Variants in MT1A observed in about 807,000 individuals in gnomAD.
MT1A encodes the protein metallothionein-1A.
Under a neutral mutation model 5.5 loss-of-function variants are expected in MT1A, and 6 were observed. The ratio of observed to expected loss-of-function variants is 1.09; its 90% CI spans 0.60 to 2.16. MT1A has a LOEUF of 2.16. Ranked by LOEUF, MT1A falls within the 30% of genes most tolerant of loss-of-function variation. The pLI is 0.00. For synonymous variants in MT1A, 23 were observed against 24.8 expected (o/e 0.93, Z 0.21); for missense variants, 69 against 73.4 (o/e 0.94, Z 0.22).
chr16:56,639,034 T>C (rs1313212611), intron 1 of MT1A, among the ~76,000 whole-genome samples: 3 of 152,148 alleles, frequency 2.0e-5, no homozygotes, highest in Non-Finnish European at 2.9e-5. Flanking sequence ...GCCCCAGTAC[T>C]CTGCGCAGTT....
chr16:56,638,939 TGCCTCCCATTTCAGAGGC>T (rs1960410812), intron 1 of MT1A, among the ~76,000 whole-genome samples, 173 bp downstream of exon 1: 1 of 152,210 alleles, frequency 6.6e-6, no homozygotes, highest in Non-Finnish European at 1.5e-5. Context: ...CCTATTCTAA[TGCCTCCCATTTCAGAGGC>T]GAGAGGACTC....
chr16:56,639,460 A>G, intron 2 of MT1A, 131 bp downstream of exon 2: 1 of 1,177,138 alleles, frequency 8.5e-7, no homozygotes, highest in South Asian at 1.3e-5. Context: ...ATTCAGGATC[A>G]GAGCCAGATC....
Position 56,640,005 on chromosome 16 carries a change from A to C in MT1A, c.*55A>C. 6.2e-7 allele frequency: 1 copy of C among 1,603,458 alleles called. No individual in the cohort carries two copies. Among genetic ancestry groups the C allele is most frequent in the South Asian group, 1.1e-5 (1 of 90,194 alleles). ...AAAGAGTGACCTGCACAAACTTGGA[A>C]TTTTTTTTCCATACAACCCTGACCC... On this transcript the variant is annotated 3_prime_UTR_variant, in exon 3 of 3. Transcript: ENST00000290705.
chr16:56,639,537 C>G (rs1206728571), intron 2 of MT1A, among the ~76,000 whole-genome samples: 4 of 152,030 alleles, frequency 2.6e-5, no homozygotes, highest in African/African-American at 4.8e-5. Flanking sequence ...AGTGCACCAG[C>G]CTGCCAAGCA....
rs1960407647 is a variant in MT1A, at chr16:56,638,706, T to A, written c.-33T>A. ...TGCGCCTTATAGCCTCTCAACTTCT[T>A]GCTTGGGATCTCCAACCTCACCGCG... On this transcript the variant is annotated 5_prime_UTR_variant, in exon 1 of 3. Coordinates refer to ENST00000290705, the MANE Select transcript of MT1A (RefSeq NM_005946.3). The A allele has an allele frequency of 4.3e-6, 7 of 1,614,018 alleles. No homozygotes were observed. The highest frequency in any genetic ancestry group is 5.9e-6 in the Non-Finnish European group (7 of 1,179,912).
chr16:56,638,827 C>T, intron 1 of MT1A, 61 bp downstream of exon 1: 1 of 1,596,080 alleles, frequency 6.3e-7, no homozygotes, highest in South Asian at 1.1e-5. Flanking sequence ...GGATAGATGT[C>T]CCTAGGAGTA....
chr16:56,639,724 C>T, intron 2 of MT1A, 135 bp from the exon 3 acceptor site: 1 of 1,160,184 alleles, frequency 8.6e-7, no homozygotes, highest in Admixed American at 2.1e-5. Flanking sequence ...ACTTATCTCC[C>T]ATCTCCGACA....
In MT1A at chr16:56,640,006, T is replaced by C; in HGVS notation, c.*56T>C. The C allele has an allele frequency of 6.3e-7, 1 of 1,598,358 alleles. No homozygotes were observed. Among genetic ancestry groups the C allele is most frequent in the Non-Finnish European group, 8.5e-7 (1 of 1,170,602 alleles). On this transcript the variant is annotated 3_prime_UTR_variant, in exon 3 of 3. Coordinates refer to ENST00000290705, the MANE Select transcript of MT1A (RefSeq NM_005946.3). ...AAGAGTGACCTGCACAAACTTGGAA[T>C]TTTTTTTCCATACAACCCTGACCCA...
chr16:56,639,404 G>A, intron 2 of MT1A, 75 bp downstream of exon 2: 3 of 1,490,708 alleles, frequency 2.0e-6, no homozygotes, highest in East Asian at 4.5e-5. Flanking sequence ...GGGCATGGAG[G>A]AGTAGGCCAA....
Position 56,639,913 on chromosome 16 carries a change from G to C in MT1A, c.149G>C (p.Cys50Ser). Residue 50 changes from cysteine (C) to serine (S), a missense_variant, in exon 3 of 3, where the codon TGC becomes TCC. Cys to Ser is a moderately radical substitution (Grantham distance 112). Transcript: ENST00000290705. The stretch of plus-strand genomic sequence containing the variant: ...GCCAAGTGTGCCCAGGGCTGCATCT[G>C]CAAAGGGGCATCAGAGAAGTGCAGC... ...SCAKCAQGCI[C>S]KGASEKCSCC... The C allele has an allele frequency of 1.2e-6, 2 of 1,614,206 alleles. No homozygotes were observed. The highest frequency in any genetic ancestry group is 3.3e-5 in the Admixed American group (2 of 60,032).
chr16:56,639,112 T>G, intron 1 of MT1A, 152 bp from the exon 2 acceptor site: 1 of 967,814 alleles, frequency 1.0e-6, no homozygotes, highest in Non-Finnish European at 1.6e-6. Flanking sequence ...CATCCTAGCC[T>G]CTACAGATAG....
rs1188788311 is a variant in MT1A, at chr16:56,639,264, G to A, written c.29G>A (p.Gly10Asp). 1.2e-6 allele frequency: 2 copies of A among 1,611,854 alleles called. No homozygotes were observed. The highest frequency in any genetic ancestry group is 1.7e-5 in the Admixed American group (1 of 59,942). The change falls in exon 2 of 3, where the codon GGT (glycine) becomes GAT (aspartate). Residue 10 changes from glycine to aspartate, a missense_variant and splice_region_variant. Coordinates refer to ENST00000290705, the MANE Select transcript of MT1A (RefSeq NM_005946.3). MDPNCSCAT[G>D]GSCTCTGSCK... ...CACTGCCTTTTTCTCTTCCTTGCAGGTGGCTCCTGCACCTGCACTGGCTCC... is the reference window on the plus strand; with the variant it reads ...CACTGCCTTTTTCTCTTCCTTGCAGATGGCTCCTGCACCTGCACTGGCTCC...
At position 56,639,245 on chromosome 16, in the gene MT1A, CT is replaced by C; in HGVS notation, c.29-14del. The C allele has an allele frequency of 6.2e-7, 1 of 1,610,806 alleles. No individual in the cohort carries two copies. The highest frequency in any genetic ancestry group is 8.5e-7 in the Non-Finnish European group (1 of 1,177,844). ...TTATCTTCTGTATAAAATTCACTGC[CT>C]TTTTCTCTTCCTTGCAGGTGGCTCC... On this transcript the variant is annotated intron_variant, in intron 1 of 2. Coordinates refer to ENST00000290705, the MANE Select transcript of MT1A (RefSeq NM_005946.3).
At chr16:56,639,209 A>G in intron 1 of MT1A, 55 bp from the exon 2 acceptor site, 1 of 1,596,856 alleles carries the variant, frequency 6.3e-7, no homozygotes, top group South Asian at 1.1e-5. Flanking sequence ...GCATTTGTTG[A>G]CCAACTGCTG....
At chr16:56,638,822 G>T in intron 1 of MT1A, 56 bp downstream of exon 1, 1 of 1,603,164 alleles carries the variant, frequency 6.2e-7, no homozygotes, top group Non-Finnish European at 8.5e-7. Flanking sequence ...CCACAGGATA[G>T]ATGTCCCTAG....
Position 56,639,980 on chromosome 16 carries a change from A to G in MT1A, c.*30A>G. 1 of 1,613,120 alleles carries G rather than the reference A, an allele frequency of 6.2e-7. No homozygotes were observed. The highest frequency in any genetic ancestry group is 8.5e-7 in the Non-Finnish European group (1 of 1,179,498). ...CGGACAGCCCTGCTCGAAGATATAG[A>G]AAGAGTGACCTGCACAAACTTGGAA... On this transcript the variant is annotated 3_prime_UTR_variant, in exon 3 of 3. Transcript: ENST00000290705.
chr16:56,638,869 T>C (rs1453571942), intron 1 of MT1A, 103 bp downstream of exon 1: 1 of 1,337,048 alleles, frequency 7.5e-7, no homozygotes, highest in Non-Finnish European at 1.1e-6. Context: ...CTAAGTGGAG[T>C]CATTTATTTC....
chr16:56,639,105 C>T (rs1407346045), intron 1 of MT1A, among the ~76,000 whole-genome samples, 159 bp from the exon 2 acceptor site: 2 of 152,162 alleles, frequency 1.3e-5, no homozygotes, highest in Non-Finnish European at 2.9e-5. Flanking sequence ...TAAAGCCCAT[C>T]CTAGCCTCTA....
At chr16:56,638,828 C>T (rs1415834089) in intron 1 of MT1A, 62 bp downstream of exon 1, 1 of 1,595,930 alleles carries the variant, frequency 6.3e-7, no homozygotes, top group East Asian at 2.2e-5. Context: ...GATAGATGTC[C>T]CTAGGAGTAG....
Sources: gnomAD v4.1 joint callset for allele counts (sites outside exome capture counted in the v4.1 genomes callset) on GRCh38, gnomAD v4.1.1 for gene constraint, MANE v1.5 for transcripts, NCBI Gene and HGNC (gene_info 2026-07-23, HGNC 2026-07-21) for gene names.